CCDC171: variants seen among roughly 807,000 people sequenced by gnomAD.
CCDC171 encodes coiled-coil domain-containing protein 171.
Under a neutral mutation model 168.2 loss-of-function variants are expected in CCDC171, and 177 were observed. The ratio of observed to expected loss-of-function variants is 1.05; its 90% CI spans 0.93 to 1.19. The LOEUF (loss-of-function observed/expected upper bound fraction) is 1.19, where lower values mean the gene tolerates loss of function less well. Ranked by LOEUF, CCDC171 falls within the 50% of genes most tolerant of loss-of-function variation. CCDC171 has a pLI of 0.00. For missense variants in CCDC171, 1,991 were observed against 1,539.0 expected (o/e 1.29, Z -4.91); for synonymous variants, 687 against 540.8 (o/e 1.27, Z -3.75).
chr9:16,074,755 A>G, the CCDC171 span, among the ~76,000 whole-genome samples: 1 of 152,236 alleles, frequency 6.6e-6, no homozygotes, highest in African/African-American at 2.4e-5. Context: ...GTAAAGGCAT[A>G]TAGGAAGAAT....
intron 6 of CCDC171, among the ~76,000 whole-genome samples, chr9:15,601,602 G>A (rs1437037916): frequency 1.3e-5 from 2 of 152,136 alleles, no homozygotes. Context: ...CCTGGTTTCT[G>A]TCCTCGAAGA....
chr9:16,094,186 G>A, the CCDC171 span, among the ~76,000 whole-genome samples: 19 of 152,152 alleles, frequency 1.2e-4, no homozygotes, highest in Non-Finnish European at 1.8e-4. Context: ...GGAAAGCGGG[G>A]TGGGCCCCAG....
chr9:15,894,081 G>C (rs1820565494), intron 24 of CCDC171, among the ~76,000 whole-genome samples: 1 of 152,172 alleles, frequency 6.6e-6, no homozygotes, highest in Non-Finnish European at 1.5e-5. Flanking sequence ...ACACACCATG[G>C]AATACTGTGC....
intron 4 of CCDC171, among the ~76,000 whole-genome samples, chr9:15,586,990 T>A (rs979886127): frequency 3.9e-5 from 6 of 152,078 alleles, no homozygotes; most frequent in Non-Finnish European, 8.8e-5. Flanking sequence ...AAAAATTTTT[T>A]TTTGTAGAGA....
At chr9:15,874,427 C>T in intron 23 of CCDC171, 105 bp from the exon 24 acceptor site, 1 of 863,014 alleles carries the variant, frequency 1.2e-6, no homozygotes, top group Non-Finnish European at 1.7e-6. Context: ...GATTTCAGGT[C>T]CAGCGATCAA....
chr9:15,582,703 G>T (rs1374412992), intron 4 of CCDC171, among the ~76,000 whole-genome samples: 1 of 151,860 alleles, frequency 6.6e-6, no homozygotes, highest in African/African-American at 2.4e-5. Context: ...AACAGCGCAT[G>T]TTCTCACTCA....
rs1427810425 is a variant in CCDC171 at position 15,972,872 on chromosome 9, G to A, written c.*1036G>A. The A allele has an allele frequency of 6.6e-6, 1 of 152,128 alleles. No individual in the cohort carries two copies. Among genetic ancestry groups the A allele is most frequent in the East Asian group, 1.9e-4 (1 of 5,166 alleles). 9.4% of individuals were successfully genotyped at this position (152,128 alleles called of 1,614,324 possible). A position where few individuals can be genotyped will look rare whatever the true frequency, so the allele number is the denominator to read the frequency against. ...GACATTTCAGCTAGAAAGAGCAAGTGTCTTGCAACCAAGTGGTCAAATATC... is the reference window on the plus strand; with the variant it reads ...GACATTTCAGCTAGAAAGAGCAAGTATCTTGCAACCAAGTGGTCAAATATC... On this transcript the variant is annotated 3_prime_UTR_variant, in exon 26 of 26. Transcript: ENST00000380701.
At chr9:15,963,513 A>G (rs760366574) in intron 25 of CCDC171, among the ~76,000 whole-genome samples, 51 of 152,202 alleles carry the variant, frequency 3.4e-4, no homozygotes, top group Admixed American at 7.2e-4. Flanking sequence ...TCTTCCAGAA[A>G]GGTTGCAACA....
intron 3 of CCDC171, among the ~76,000 whole-genome samples, chr9:15,987,061 A>T (rs1036445102): frequency 1.6e-5 from 2 of 125,124 alleles, no homozygotes; most frequent in African/African-American, 3.7e-5. Flanking sequence ...TTTGTTTTTC[A>T]TAATATTGGC....
intron 7 of CCDC171, among the ~76,000 whole-genome samples, chr9:15,652,413 C>G (rs1402050803): frequency 6.6e-6 from 1 of 151,250 alleles, no homozygotes; most frequent in Non-Finnish European, 1.5e-5. Flanking sequence ...ATATGTGTAT[C>G]CTTTTGCTGG....
intron 21 of CCDC171, among the ~76,000 whole-genome samples, chr9:15,813,819 T>C (rs2059454150): frequency 6.6e-6 from 1 of 152,228 alleles, no homozygotes; most frequent in Non-Finnish European, 1.5e-5. Flanking sequence ...ACTGTAGTTT[T>C]GAATAAGGAG....
intron 16 of CCDC171, among the ~76,000 whole-genome samples, chr9:15,742,740 C>T (rs552945652): frequency 1.3e-5 from 2 of 152,162 alleles, no homozygotes; most frequent in Non-Finnish European, 2.9e-5. Context: ...TAGCATTATA[C>T]CATGCTAGTT....
chr9:15,979,927 A>AT (rs78902915), intron 3 of CCDC171, among the ~76,000 whole-genome samples: 5 of 151,342 alleles, frequency 3.3e-5, no homozygotes, highest in Admixed American at 3.3e-4. Context: ...CTTTGTGGGA[A>AT]TTTTTTTTAT....
chr9:15,868,360 G>A (rs919252143), intron 23 of CCDC171, among the ~76,000 whole-genome samples: 1 of 152,010 alleles, frequency 6.6e-6, no homozygotes, highest in African/African-American at 2.4e-5. Context: ...AGCTGGAACT[G>A]TTGCTTATAT....
chr9:15,844,259 T>C (rs1280080352), intron 21 of CCDC171, among the ~76,000 whole-genome samples: 3 of 152,058 alleles, frequency 2.0e-5, no homozygotes, highest in Non-Finnish European at 4.4e-5. Context: ...AAAGAAAAGC[T>C]GAATTTAAAA....
chr9:15,961,913 TC>T (rs1196083431), intron 25 of CCDC171, among the ~76,000 whole-genome samples: 3 of 152,230 alleles, frequency 2.0e-5, no homozygotes, highest in African/African-American at 7.2e-5. Context: ...TACCGTTTTT[TC>T]ATGACGTAGT....
chr9:15,760,195 C>T (rs944620718), intron 18 of CCDC171, among the ~76,000 whole-genome samples: 1 of 152,184 alleles, frequency 6.6e-6, no homozygotes, highest in Non-Finnish European at 1.5e-5. Context: ...AATAGCATCA[C>T]TGACCCCTTT....
rs922079344 is a variant in CCDC171 at position 15,744,623 on chromosome 9, A to G, written c.2400A>G (p.Ile800Met). The G allele has an allele frequency of 3.1e-6, 5 of 1,614,140 alleles. No homozygotes were observed. The highest frequency in any genetic ancestry group is 4.5e-5 in the East Asian group (2 of 44,872). The part of the protein sequence containing the change: ...KKKTFKGLIR[I>M]FRKGVIAVLA... The stretch of plus-strand genomic sequence containing the variant: ...AAACATTCAAAGGATTGATACGTAT[A>G]TTTCGGAAAGGTGTTATTGCTGTTT... Residue 800 changes from isoleucine (I) to methionine (M), a missense_variant, in exon 17 of 26, where the codon ATA becomes ATG. Coordinates refer to ENST00000380701, the MANE Select transcript of CCDC171 (RefSeq NM_173550.4).
intron 1 of CCDC171, among the ~76,000 whole-genome samples, chr9:16,053,521 G>A (rs1019361816): frequency 6.6e-6 from 1 of 152,224 alleles, no homozygotes. Flanking sequence ...ATGTTTGTTT[G>A]AGGATATGAG....
Sources: gnomAD v4.1 joint callset for allele counts (sites outside exome capture counted in the v4.1 genomes callset) on GRCh38, gnomAD v4.1.1 for gene constraint, MANE v1.5 for transcripts, NCBI Gene and HGNC (gene_info 2026-07-23, HGNC 2026-07-21) for gene names.